The following RUVBL1 variants were observed in gnomAD, a reference collection of about 807,000 sequenced individuals.
RUVBL1 encodes the protein RuvB like AAA ATPase 1, also known as ruvB-like 1.
RUVBL1 carries 4 observed loss-of-function variants against 52.4 expected under a neutral mutation model. The ratio of observed to expected loss-of-function variants is 0.08; its 90% confidence interval spans 0.04 to 0.17. The LOEUF is 0.17. Ranked by LOEUF, RUVBL1 falls within the 10% of genes least tolerant of loss-of-function variation. The probability of loss-of-function intolerance (pLI) is 1.00; values close to 1 mark genes in which losing one functional copy is unlikely to be tolerated. For missense variants in RUVBL1, 298 were observed against 572.8 expected, an observed-to-expected ratio of 0.52 and a Z score of 4.90; for synonymous variants, 217 against 214.4, an observed-to-expected ratio of 1.01 and a Z score of -0.10.
downstream of RUVBL1, among the ~76,000 whole-genome samples, chr3:128,080,119 G>A (rs1385765708): frequency 1.3e-5 from 2 of 152,222 alleles, no homozygotes; most frequent in Non-Finnish European, 2.9e-5. Flanking sequence ...TACTTAGTGG[G>A]CGAACGCAGA....
chr3:128,077,076 C>G (rs1291093853), downstream of RUVBL1, among the ~76,000 whole-genome samples: 1 of 151,808 alleles, frequency 6.6e-6, no homozygotes, highest in Non-Finnish European at 1.5e-5. Context: ...TTGATCGCGC[C>G]GGGCCCCTGC....
chr3:128,130,760 C>T (rs1943866195), intron 1 of RUVBL1, among the ~76,000 whole-genome samples: 1 of 151,834 alleles, frequency 6.6e-6, no homozygotes, highest in African/African-American at 2.4e-5. Context: ...ATGCCATTCT[C>T]CTGCCTCAGC....
chr3:128,114,700 C>T (rs545656528), intron 2 of RUVBL1, among the ~76,000 whole-genome samples: 1 of 152,248 alleles, frequency 6.6e-6, no homozygotes, highest in Admixed American at 6.5e-5. Context: ...CTTGTGAGCT[C>T]AAGGCTGACA....
Position 128,098,879 on chromosome 3 carries a change from T to C in RUVBL1, c.817+3A>G, listed in dbSNP as rs1943051806. 1.9e-6 allele frequency: 3 copies of C among 1,613,544 alleles called. No individual in the cohort carries two copies. In the East Asian group the frequency reaches 6.7e-5, roughly 36 times the overall value. On this transcript the variant is annotated splice_donor_region_variant and intron_variant, in intron 7 of 10. Transcript: ENST00000322623. Reference sequence around the variant, plus strand: ...TGCTCACAGGGCACACTGGTTCTCCTACCTGTGATTTCTGTCTTCTTTGGC... The same window carrying C: ...TGCTCACAGGGCACACTGGTTCTCCCACCTGTGATTTCTGTCTTCTTTGGC...
chr3:128,135,733 T>C (rs1377462328), intron 1 of RUVBL1, among the ~76,000 whole-genome samples: 1 of 152,236 alleles, frequency 6.6e-6, no homozygotes, highest in African/African-American at 2.4e-5. Context: ...AAAAGGATGT[T>C]AATGAGCAAT....
chr3:128,077,097 G>C (rs1209967306), downstream of RUVBL1, among the ~76,000 whole-genome samples: 1 of 151,848 alleles, frequency 6.6e-6, no homozygotes. Context: ...CCGGGGGTCA[G>C]CGCGGGCCGG....
chr3:128,137,375 A>G lies in RUVBL1; in HGVS notation c.-40+15828T>C, dbSNP rs942676132. 4.6e-5 allele frequency among the ~76,000 whole-genome samples: 7 copies of G among 152,346 alleles called. No homozygotes were observed. In the East Asian group the frequency reaches 1.3e-3, roughly 29 times the overall value. The stretch of plus-strand genomic sequence containing the variant: ...AAAGGGAGACATTACAACTGATGCC[A>G]CAGAAATTCAAAGGATCGTGAGCAA... On this transcript the variant is annotated intron_variant, in intron 1 of 9. Coordinates refer to the RUVBL1 transcript ENST00000464873.
chr3:128,126,201 TTGTG>T (rs10576695), upstream of RUVBL1, among the ~76,000 whole-genome samples: 13,883 of 147,234 alleles, frequency 0.094, 663 homozygotes, highest in Middle Eastern at 0.12. Context: ...AGTTGTTCCT[TTGTG>T]TGTGTGTGTG....
chr3:128,081,292 G>A lies in RUVBL1; in HGVS notation c.1329C>T (p.Ser443=), dbSNP rs753870834. ...CCTGCTGGTCAGCCAGGATTTTGGC[G>A]GAGGACTTGGCATCATAGAAAAGTT... is the stretch of plus-strand genomic sequence containing the variant. ...ISELFYDAKS[S]AKILADQQDK... Residue 443 remains serine (S), a synonymous_variant, in exon 11 of 11, where the codon TCC becomes TCT. Coordinates refer to ENST00000322623, the MANE Select transcript of RUVBL1 (RefSeq NM_003707.3). The surrounding 1 kb of genome is among the most constrained non-coding windows in gnomAD (Gnocchi z 4.8). The A allele has an allele frequency of 1.9e-5, 31 of 1,614,042 alleles. No individual in the cohort carries two copies. The Admixed American group carries it at 2.5e-4, about 13-fold the overall frequency.
chr3:128,106,746 A>G (rs890093411), intron 3 of RUVBL1, among the ~76,000 whole-genome samples: 1 of 152,248 alleles, frequency 6.6e-6, no homozygotes, highest in Non-Finnish European at 1.5e-5. Flanking sequence ...TCTATATGGT[A>G]ATGGCCTGAG....
chr3:128,066,892 G>GT, intron 9 of RUVBL1: 1 of 1,556,588 alleles, frequency 6.4e-7, no homozygotes, highest in African/African-American at 1.4e-5. Flanking sequence ...GCCGGGCTGT[G>GT]TTTCTGTGCA....
intron 7 of RUVBL1, among the ~76,000 whole-genome samples, chr3:128,098,258 T>C (rs1943029918): frequency 6.6e-6 from 1 of 152,162 alleles, no homozygotes; most frequent in South Asian, 2.1e-4. Context: ...CCAAAGAGGA[T>C]GCACACCGAA....
intron 3 of RUVBL1, among the ~76,000 whole-genome samples, chr3:128,111,764 T>C (rs1470704011): frequency 1.3e-5 from 2 of 152,242 alleles, no homozygotes; most frequent in Non-Finnish European, 2.9e-5. Flanking sequence ...ACTGAACTTT[T>C]TCATCAGTCT....
chr3:128,127,271 A>G (rs1943807284), upstream of RUVBL1, among the ~76,000 whole-genome samples: 1 of 152,218 alleles, frequency 6.6e-6, no homozygotes, highest in African/African-American at 2.4e-5. Context: ...TTAGATTTCT[A>G]TCTGTGGGTA....
Position 128,082,957 on chromosome 3 carries a change from T to G in RUVBL1, c.1120-383A>C. On this transcript the variant is annotated intron_variant, in intron 9 of 10. Transcript: ENST00000322623. The surrounding 1 kb of genome is among the most constrained non-coding windows in gnomAD (Gnocchi z 4.7). The stretch of plus-strand genomic sequence containing the variant: ...CGGGGCTCCTGCAAGGGCTCTAACC[T>G]TCCTCTCCAGCATGGGCACTACTGC... 5.9e-6 allele frequency: 1 copy of G among 169,182 alleles called. No individual in the cohort carries two copies. Among genetic ancestry groups the G allele is most frequent in the Non-Finnish European group, 1.3e-5 (1 of 77,722 alleles). The allele number at this position is 169,182 out of a possible 1,614,324, so 10.5% of individuals were successfully genotyped here.
downstream of RUVBL1, among the ~76,000 whole-genome samples, chr3:128,076,305 C>T (rs1353267576): frequency 6.6e-6 from 1 of 152,176 alleles, no homozygotes; most frequent in Non-Finnish European, 1.5e-5. This position sits in a 1 kb window ranked among gnomAD's most constrained non-coding sequence, Gnocchi z 6.8. Context: ...CTCAGGGCGT[C>T]CCCAACAGCA....
Position 128,098,938 on chromosome 3 carries a change from T to C in RUVBL1, c.761A>G (p.Gln254Arg). The C allele has an allele frequency of 6.2e-7, 1 of 1,613,902 alleles. No individual in the cohort carries two copies. The highest frequency in any genetic ancestry group is 8.5e-7 in the Non-Finnish European group (1 of 1,179,856). Residue 254 changes from glutamine (Q) to arginine (R), a missense_variant, in exon 7 of 11, where the codon CAA becomes CGA. Around this residue, in one of 5 missense-constraint regions of RUVBL1, gnomAD observed 161 missense variants for 298.3 expected, o/e 0.54. Transcript: ENST00000322623. ...DVANARPQGG[Q>R]DILSMMGQLM... The stretch of plus-strand genomic sequence containing the variant: ...CTGGCCCATCATGGACAGGATATCT[T>C]GTCCCCCCTGCATAAGAGAAGACTT...
At chr3:128,069,763 T>A (rs1448308184) in intron 9 of RUVBL1, 1 of 976,250 alleles carries the variant, frequency 1.0e-6, no homozygotes, top group Non-Finnish European at 1.5e-6. Context: ...CTTTTAATAA[T>A]GTTTTTGAAT....
At chr3:128,125,662 G>A (rs1943776694), upstream of RUVBL1, among the ~76,000 whole-genome samples, 1 of 152,208 alleles carries the variant, frequency 6.6e-6, no homozygotes, top group African/African-American at 2.4e-5. Context: ...ATTTCCATCA[G>A]TGAATGGAAT....
Sources: gnomAD v4.1 joint callset for allele counts (sites outside exome capture counted in the v4.1 genomes callset) on GRCh38, gnomAD v4.1.1 for gene constraint, gnomAD v4.1.1 regional missense constraint, Gnocchi (gnomAD v3.1) non-coding constraint, MANE v1.5 for transcripts, NCBI Gene and HGNC (gene_info 2026-07-23, HGNC 2026-07-21) for gene names.